RBMS3: variants seen among roughly 807,000 people sequenced by gnomAD.
RBMS3 encodes the protein RNA binding motif single stranded interacting protein 3.
Under a neutral mutation model 66.8 loss-of-function variants are expected in RBMS3, and 27 were observed. The observed-to-expected ratio is 0.40, with a 90% CI of 0.30 to 0.56. The LOEUF (loss-of-function observed/expected upper bound fraction) is 0.56. RBMS3 is among the 20% of genes least tolerant of loss of function. The pLI is 0.40. For synonymous variants in RBMS3, 188 were observed against 183.0 expected (o/e 1.03, Z -0.22); for missense variants, 513 against 549.5 (o/e 0.93, Z 0.66).
Position 29,491,038 on chromosome 3 carries a change from T to C in RBMS3, c.307+2539T>C, listed in dbSNP as rs1026231989. 2.0e-5 allele frequency among the ~76,000 whole-genome samples: 3 copies of C among 152,164 alleles called. No homozygotes were observed. In the South Asian group the frequency reaches 6.2e-4, roughly 31 times the overall value. ...TGCTCAAGCATGCTGATATCTGTTG[T>C]CACAGTACAACTCTGAAGACCACGA... On this transcript the variant is annotated intron_variant, in intron 3 of 14. Coordinates refer to ENST00000383767, the MANE Select transcript of RBMS3 (RefSeq NM_001003793.3).
intron 12 of RBMS3, among the ~76,000 whole-genome samples, chr3:29,959,718 G>C (rs145955996): frequency 2.6e-5 from 4 of 152,006 alleles, no homozygotes; most frequent in African/African-American, 9.7e-5. Context: ...ACTTACAATC[G>C]TGGTGGAAGG....
At chr3:29,577,411 G>A (rs531781065) in intron 3 of RBMS3, among the ~76,000 whole-genome samples, 1 of 152,164 alleles carries the variant, frequency 6.6e-6, no homozygotes, top group African/African-American at 2.4e-5. Context: ...GCCCCGGCTG[G>A]TGTCTCCCTA....
chr3:30,004,945 C>A lies in RBMS3; in HGVS notation c.*1083C>A, dbSNP rs73829224. 0.18 allele frequency: 24,538 copies of A among 133,010 alleles called. 2,293 individuals are homozygous for A. The highest frequency in any genetic ancestry group is 0.39 in the East Asian group (1,772 of 4,576). 8.2% of individuals were successfully genotyped at this position (133,010 alleles called of 1,614,324 possible). ...TGGTCAAAAAGTGCAAAAAAAAAAA[C>A]AAAAAAAAAGCAATAGATAGAGAAA... On this transcript the variant is annotated 3_prime_UTR_variant, in exon 15 of 15. Coordinates refer to ENST00000383767, the MANE Select transcript of RBMS3 (RefSeq NM_001003793.3).
intron 3 of RBMS3, among the ~76,000 whole-genome samples, chr3:29,548,712 CA>C: frequency 6.6e-6 from 1 of 151,974 alleles, no homozygotes; most frequent in African/African-American, 2.4e-5. Flanking sequence ...AGCTTCAAGT[CA>C]CCAGTGCATG....
rs532035332 is a variant in RBMS3 at position 29,701,679 on chromosome 3, C to T, written c.400-38041C>T. Among the ~76,000 whole-genome samples the T allele has an allele frequency of 6.6e-5, 10 of 152,042 alleles. No individual in the cohort carries two copies. The East Asian group carries it at 1.4e-3, about 21-fold the overall frequency. ...CGGGCCCGCACTCGGAGAGGCTGGC[C>T]GGCGCCACCGGCCTTGGGCAGTGAG... On this transcript the variant is annotated intron_variant, in intron 4 of 14. Transcript: ENST00000383767.
chr3:29,893,673 T>G (rs1440457941), intron 8 of RBMS3, among the ~76,000 whole-genome samples: 1 of 151,528 alleles, frequency 6.6e-6, no homozygotes, highest in African/African-American at 2.4e-5. Context: ...AAACCTTGAT[T>G]TTTCATAGAA....
At chr3:29,505,604 T>A (rs1406049240) in intron 3 of RBMS3, among the ~76,000 whole-genome samples, 1 of 151,882 alleles carries the variant, frequency 6.6e-6, no homozygotes, top group Non-Finnish European at 1.5e-5. Context: ...GACTTTTTTT[T>A]ATTTCTGTGA....
intron 12 of RBMS3, among the ~76,000 whole-genome samples, chr3:29,965,580 G>GT (rs1391815859): frequency 5.3e-5 from 8 of 151,820 alleles, no homozygotes; most frequent in South Asian, 2.1e-4. Flanking sequence ...GGATTGTTTG[G>GT]TTTTTTCTTA....
At chr3:29,827,566 T>C (rs1266356567) in intron 6 of RBMS3, among the ~76,000 whole-genome samples, 1 of 152,176 alleles carries the variant, frequency 6.6e-6, no homozygotes, top group Admixed American at 6.6e-5. Context: ...GACTCGTTTG[T>C]TGCTAACTGA....
chr3:29,428,463 C>G (rs970160043), intron 1 of RBMS3, among the ~76,000 whole-genome samples: 2 of 151,388 alleles, frequency 1.3e-5, no homozygotes, highest in Non-Finnish European at 2.9e-5. Context: ...CGCCTGCAGA[C>G]AAGTGTTCAT....
chr3:29,615,395 TA>T (rs1559510630), intron 4 of RBMS3, among the ~76,000 whole-genome samples: 2 of 152,036 alleles, frequency 1.3e-5, no homozygotes, highest in Non-Finnish European at 2.9e-5. Flanking sequence ...AGGATGTTAA[TA>T]AAATCTATAC....
At chr3:29,392,993 T>C (rs936580605) in intron 1 of RBMS3, among the ~76,000 whole-genome samples, 1 of 152,200 alleles carries the variant, frequency 6.6e-6, no homozygotes, top group Non-Finnish European at 1.5e-5. Context: ...CCTGCTGAAT[T>C]TTTTTTCCTC....
chr3:29,491,792 G>A (rs1318422875), intron 3 of RBMS3, among the ~76,000 whole-genome samples: 1 of 152,184 alleles, frequency 6.6e-6, no homozygotes, highest in African/African-American at 2.4e-5. Flanking sequence ...AGGAGATCGA[G>A]ACCATCCTGG....
chr3:29,883,965 C>A (rs1317186279), intron 7 of RBMS3, among the ~76,000 whole-genome samples, 197 bp from the exon 8 acceptor site: 1 of 151,976 alleles, frequency 6.6e-6, no homozygotes, highest in African/African-American at 2.4e-5. Context: ...ATAATATAAA[C>A]TCCCAACTCA....
At chr3:29,425,010 C>T (rs533933683) in intron 1 of RBMS3, among the ~76,000 whole-genome samples, 1 of 151,776 alleles carries the variant, frequency 6.6e-6, no homozygotes, top group Non-Finnish European at 1.5e-5. Context: ...AAGCTACATC[C>T]ATTGGTCTTC....
rs143522151 is a variant in RBMS3 at position 29,487,831 on chromosome 3, A to T, written c.249-610A>T. Reference sequence around the variant, plus strand: ...GATGATCAAATGATGCAAAAAGCACATATTACTTACTTAGCCAACCAAATA... The same window carrying T: ...GATGATCAAATGATGCAAAAAGCACTTATTACTTACTTAGCCAACCAAATA... On this transcript the variant is annotated intron_variant, in intron 2 of 14. Transcript: ENST00000383767. Among the ~76,000 whole-genome samples the T allele has an allele frequency of 3.6e-4, 55 of 152,312 alleles. No individual in the cohort carries two copies. In the East Asian group the frequency reaches 0.01, roughly 29 times the overall value.
chr3:29,675,704 A>G (rs952387856), intron 4 of RBMS3, among the ~76,000 whole-genome samples: 1 of 152,242 alleles, frequency 6.6e-6, no homozygotes, highest in Non-Finnish European at 1.5e-5. Flanking sequence ...TCTTCAGAGA[A>G]ATGCGAATCA....
chr3:29,834,850 T>C (rs1287825557), intron 6 of RBMS3, among the ~76,000 whole-genome samples: 1 of 151,862 alleles, frequency 6.6e-6, no homozygotes, highest in Non-Finnish European at 1.5e-5. Flanking sequence ...AGTGGCCAAA[T>C]GGATTAAAAC....
intron 3 of RBMS3, among the ~76,000 whole-genome samples, chr3:29,546,532 CA>C (rs2045955540): frequency 6.6e-6 from 1 of 152,138 alleles, no homozygotes; most frequent in Non-Finnish European, 1.5e-5. Flanking sequence ...AACAAACAAA[CA>C]AAAACACTGG....
Sources: allele counts gnomAD v4.1 joint callset (sites outside exome capture counted in the v4.1 genomes callset), GRCh38; gene constraint gnomAD v4.1.1; transcripts MANE v1.5; gene names NCBI Gene and HGNC (gene_info 2026-07-23, HGNC 2026-07-21).